Variants in TET3 observed in about 807,000 individuals in gnomAD.
TET3 encodes methylcytosine dioxygenase TET3.
A neutral mutation model predicts 141.4 loss-of-function variants in TET3; 19 were observed. That is an observed-to-expected ratio of 0.13 (90% CI 0.09 to 0.20). The LOEUF (loss-of-function observed/expected upper bound fraction) is 0.20. Among genes scored for constraint, TET3 ranks in the 10% least tolerant of loss-of-function variants. The pLI, the probability that TET3 is intolerant of heterozygous loss-of-function variation, is 1.00. For synonymous variants in TET3, 1,043 were observed against 980.9 expected, an observed-to-expected ratio of 1.06 and a Z score of -1.18; for missense variants, 1,874 against 2,356.9, an observed-to-expected ratio of 0.80 and a Z score of 4.24.
In TET3 at chr2:73,988,161, C is replaced by G. The variant is rs534801040; in HGVS notation, c.303+1455C>G. ...TGCTGGTGTTGGGGGTAGTTATCGT[C>G]CTGCTGGCCCAGTGCCCCATGGGTC... On this transcript the variant is annotated intron_variant, in intron 2 of 11. Coordinates refer to ENST00000409262, the MANE Select transcript of TET3 (RefSeq NM_001287491.2). Among the ~76,000 whole-genome samples, 3 of 152,260 alleles carry G rather than the reference C, an allele frequency of 2.0e-5. No individual in the cohort carries two copies. In the East Asian group the frequency reaches 5.8e-4, roughly 29 times the overall value.
downstream of TET3, among the ~76,000 whole-genome samples, chr2:74,110,074 G>A (rs1324038198): frequency 6.6e-6 from 1 of 152,184 alleles, no homozygotes; most frequent in Admixed American, 6.5e-5. Context: ...GACATAGCAA[G>A]TAATAAGAGC....
At chr2:74,070,019 T>C (rs1689118402) in intron 4 of TET3, among the ~76,000 whole-genome samples, 2 of 152,270 alleles carry the variant, frequency 1.3e-5, no homozygotes, top group Non-Finnish European at 2.9e-5. Flanking sequence ...AATTATCATT[T>C]TTTGATAGGT....
intron 3 of TET3, among the ~76,000 whole-genome samples, chr2:74,031,402 T>G (rs11886928): frequency 0.4 from 60,611 of 152,000 alleles, 15,230 homozygotes; most frequent in African/African-American, 0.71. Context: ...CGCAAATGCC[T>G]AGGTTCCTGT....
intron 3 of TET3, among the ~76,000 whole-genome samples, chr2:74,013,510 C>T (rs6714186): frequency 0.31 from 46,450 of 151,594 alleles, 7,662 homozygotes; most frequent in African/African-American, 0.41. Flanking sequence ...AATAATAATT[C>T]GATTCTTTTT....
At chr2:74,000,666 C>G (rs962372290) in intron 2 of TET3, among the ~76,000 whole-genome samples, 7 of 152,030 alleles carry the variant, frequency 4.6e-5, no homozygotes, top group South Asian at 2.1e-4. Flanking sequence ...TTGTATCTCC[C>G]TGGGGTTGGC....
intron 3 of TET3, among the ~76,000 whole-genome samples, chr2:74,040,778 G>A (rs2105331072): frequency 6.6e-6 from 1 of 152,254 alleles, no homozygotes; most frequent in South Asian, 2.1e-4. Context: ...GCATGGTGGT[G>A]CATACCTGTG....
chr2:74,017,016 T>C (rs1418666503), intron 3 of TET3, among the ~76,000 whole-genome samples: 7 of 152,078 alleles, frequency 4.6e-5, no homozygotes, highest in Non-Finnish European at 8.8e-5. Flanking sequence ...CCAAGCACAG[T>C]GGCACACTCC....
intron 3 of TET3, among the ~76,000 whole-genome samples, chr2:74,036,649 C>T (rs1687077371): frequency 6.6e-6 from 1 of 152,214 alleles, no homozygotes; most frequent in African/African-American, 2.4e-5. Context: ...CTCTGATCTC[C>T]ACCTTGGAGG....
At chr2:74,085,502 C>T (rs1432017297) in intron 6 of TET3, among the ~76,000 whole-genome samples, 1 of 152,216 alleles carries the variant, frequency 6.6e-6, no homozygotes, top group Non-Finnish European at 1.5e-5. Flanking sequence ...GGGGGGTATC[C>T]TTAGAGACCA....
intron 7 of TET3, 100 bp downstream of exon 7, chr2:74,088,138 C>A: frequency 8.4e-7 from 1 of 1,195,330 alleles, no homozygotes; most frequent in Non-Finnish European, 1.2e-6. Context: ...CCTAGGGGCC[C>A]TCTCTGCGGC....
At chr2:74,062,283 A>G (rs1344611099) in intron 4 of TET3, among the ~76,000 whole-genome samples, 1 of 152,256 alleles carries the variant, frequency 6.6e-6, no homozygotes, top group Non-Finnish European at 1.5e-5. Flanking sequence ...AACATTTTTA[A>G]ATATGCAAGA....
At chr2:74,022,741 C>G (rs1686122235) in intron 3 of TET3, among the ~76,000 whole-genome samples, 2 of 152,080 alleles carry the variant, frequency 1.3e-5, no homozygotes, top group African/African-American at 4.8e-5. Flanking sequence ...TTTTCAAATT[C>G]AGTGAGTCTG....
chr2:74,048,252 G>A lies in TET3; in HGVS notation c.2335G>A (p.Gly779Arg), dbSNP rs1687756107. The A allele has an allele frequency of 6.2e-7, 1 of 1,613,830 alleles. No homozygotes were observed. The highest frequency in any genetic ancestry group is 1.1e-5 in the South Asian group (1 of 91,056). Residue 779 changes from glycine to arginine, a missense_variant, in exon 4 of 12, where the codon GGA becomes AGA. Around this residue, in one of 10 missense-constraint regions of TET3, gnomAD observed 83 missense variants for 107.0 expected, o/e 0.78. Transcript: ENST00000409262. ...STTCFHSEEGGQEATPTKAEN... is the reference protein window; with the variant it reads ...STTCFHSEEGRQEATPTKAEN... ...CACCTGCTTCCATTCAGAGGAGGGA[G>A]GACAGGAGGCCACACCCACCAAGGC...
intron 3 of TET3, among the ~76,000 whole-genome samples, chr2:74,029,934 T>A (rs1321885824): frequency 6.6e-6 from 1 of 152,222 alleles, no homozygotes; most frequent in Non-Finnish European, 1.5e-5. Context: ...CCACAGAGTA[T>A]GTATGTAACA....
At chr2:74,109,714 C>T (rs1427365692), downstream of TET3, among the ~76,000 whole-genome samples, 1 of 152,146 alleles carries the variant, frequency 6.6e-6, no homozygotes, top group Admixed American at 6.5e-5. Context: ...ACCACTACTC[C>T]CCACCGTGCC....
intron 10 of TET3, among the ~76,000 whole-genome samples, chr2:74,096,921 ATC>A (rs1026130910): frequency 1.8e-4 from 27 of 151,830 alleles, no homozygotes; most frequent in Admixed American, 1.1e-3. Flanking sequence ...GCAAAACCCT[ATC>A]TCTACAAAAA....
Position 74,053,452 on chromosome 2 carries a change from G to A in TET3, c.2494+5041G>A, listed in dbSNP as rs540353094. Among the ~76,000 whole-genome samples, 14 of 152,350 alleles carry A rather than the reference G, an allele frequency of 9.2e-5. No individual in the cohort carries two copies. The East Asian group carries it at 2.7e-3, about 29-fold the overall frequency. On this transcript the variant is annotated intron_variant, in intron 4 of 11. Coordinates refer to ENST00000409262, the MANE Select transcript of TET3 (RefSeq NM_001287491.2). ...CATCTAGTCACCATCTTAGAGATGA[G>A]GAAGGTATCTGTGTTAGTTTGTAAG...
chr2:74,035,985 C>G (rs1387968274), intron 3 of TET3, among the ~76,000 whole-genome samples: 1 of 152,168 alleles, frequency 6.6e-6, no homozygotes, highest in African/African-American at 2.4e-5. Flanking sequence ...CCACTGCACT[C>G]CAGCCTGGGC....
chr2:74,022,065 C>G (rs1002368465), intron 3 of TET3, among the ~76,000 whole-genome samples: 1 of 140,936 alleles, frequency 7.1e-6, no homozygotes, highest in Non-Finnish European at 1.5e-5. Flanking sequence ...AGAGAGAACT[C>G]CTGTTACTAT....
Sources: allele counts gnomAD v4.1 joint callset (sites outside exome capture counted in the v4.1 genomes callset), GRCh38; gene constraint gnomAD v4.1.1; regional missense constraint gnomAD v4.1.1; transcripts MANE v1.5; gene names NCBI Gene and HGNC (gene_info 2026-07-23, HGNC 2026-07-21).